The following RFX3 variants were observed in gnomAD, a reference collection of about 807,000 sequenced individuals.
RFX3 encodes transcription factor RFX3.
A neutral mutation model predicts 98.6 loss-of-function variants in RFX3; 14 were observed. That is an observed-to-expected ratio of 0.14 (90% CI 0.09 to 0.22). The LOEUF is 0.22. Ranked by LOEUF, RFX3 falls within the 10% of genes least tolerant of loss-of-function variation. The probability of loss-of-function intolerance (pLI) is 1.00; values close to 1 mark genes in which losing one functional copy is unlikely to be tolerated. For missense variants in RFX3, 639 were observed against 926.9 expected (o/e 0.69, Z 4.03); for synonymous variants, 383 against 328.4 (o/e 1.17, Z -1.80).
chr9:3,261,070 T>C (rs910311575), intron 13 of RFX3, among the ~76,000 whole-genome samples: 2 of 151,902 alleles, frequency 1.3e-5, no homozygotes, highest in African/African-American at 4.8e-5. Flanking sequence ...TTAAAATTTC[T>C]AGAAAATAAA....
rs752147952 is a variant in RFX3 at position 3,293,064 on chromosome 9, T to C, written c.731+13A>G. ...AGAGAGATTAGTTTATGATCTTATT[T>C]TTCAATACTAACCTAGTGCCCAATC... On this transcript the variant is annotated intron_variant, in intron 6 of 16. Transcript: ENST00000617270. 6.3e-7 allele frequency: 1 copy of C among 1,592,512 alleles called. No homozygotes were observed. Among genetic ancestry groups the C allele is most frequent in the Admixed American group, 1.8e-5 (1 of 56,602 alleles).
chr9:3,269,682 T>A (rs539845661), intron 11 of RFX3, among the ~76,000 whole-genome samples: 1 of 152,312 alleles, frequency 6.6e-6, no homozygotes, highest in East Asian at 1.9e-4. Flanking sequence ...AACCTATCTA[T>A]GTAATTCCCA....
chr9:3,461,681 A>G (rs1336612085), intron 1 of RFX3, among the ~76,000 whole-genome samples: 13 of 151,980 alleles, frequency 8.6e-5, no homozygotes, highest in Non-Finnish European at 1.5e-5. Flanking sequence ...AGACTTCACA[A>G]AATGTTTACA....
intron 2 of RFX3, among the ~76,000 whole-genome samples, chr9:3,359,217 C>G (rs1423810869): frequency 6.6e-6 from 1 of 151,812 alleles, no homozygotes; most frequent in African/African-American, 2.4e-5. Context: ...AAAGGGCAGA[C>G]AATGAAAAGA....
chr9:3,301,807 C>T (rs1193766899), intron 4 of RFX3, among the ~76,000 whole-genome samples, 187 bp from the exon 5 acceptor site: 1 of 151,818 alleles, frequency 6.6e-6, no homozygotes, highest in African/African-American at 2.4e-5. Context: ...AATATGCACA[C>T]TAATAATAAG....
At chr9:3,319,173 T>A (rs1830975552) in intron 4 of RFX3, among the ~76,000 whole-genome samples, 1 of 152,232 alleles carries the variant, frequency 6.6e-6, no homozygotes. Flanking sequence ...TAAAACAGGC[T>A]TTTAAAGTGT....
At chr9:3,245,822 T>C (rs914239305) in intron 15 of RFX3, among the ~76,000 whole-genome samples, 6 of 152,176 alleles carry the variant, frequency 3.9e-5, no homozygotes, top group Admixed American at 3.3e-4. Context: ...TGGATTTCAA[T>C]GGATTTTGGC....
At chr9:3,525,319 G>A (rs151055458) in intron 1 of RFX3, among the ~76,000 whole-genome samples, 35 of 152,344 alleles carry the variant, frequency 2.3e-4, no homozygotes, top group African/African-American at 7.9e-4. Context: ...GGAAACAGCA[G>A]CGTTGGAAAA....
chr9:3,252,866 T>C (rs1399603926), intron 14 of RFX3, among the ~76,000 whole-genome samples: 1 of 152,234 alleles, frequency 6.6e-6, no homozygotes, highest in African/African-American at 2.4e-5. Flanking sequence ...ATGTATGTCA[T>C]GAAATTATTG....
At chr9:3,497,971 G>A (rs1587861898) in intron 1 of RFX3, among the ~76,000 whole-genome samples, 1 of 152,030 alleles carries the variant, frequency 6.6e-6, no homozygotes, top group Middle Eastern at 3.4e-3. Context: ...TCCAAATGCT[G>A]ACACAAAAGA....
At chr9:3,460,044 T>C (rs1490627318) in intron 1 of RFX3, among the ~76,000 whole-genome samples, 1 of 152,000 alleles carries the variant, frequency 6.6e-6, no homozygotes, top group Admixed American at 6.6e-5. Context: ...ATAACAAATG[T>C]TCAACTTCAA....
intron 1 of RFX3, among the ~76,000 whole-genome samples, chr9:3,399,634 A>G (rs1302065242): frequency 2.6e-5 from 4 of 152,086 alleles, no homozygotes; most frequent in Non-Finnish European, 4.4e-5. Flanking sequence ...CTATTTCTAC[A>G]TATAAAGATT....
chr9:3,524,461 G>A, intron 1 of RFX3: 1 of 942,500 alleles, frequency 1.1e-6, no homozygotes, highest in Non-Finnish European at 1.3e-6. Flanking sequence ...TAACCAGAAA[G>A]AAAGTGAAAT....
At chr9:3,443,706 C>G (rs181248397) in intron 1 of RFX3, among the ~76,000 whole-genome samples, 1 of 152,182 alleles carries the variant, frequency 6.6e-6, no homozygotes, top group East Asian at 1.9e-4. Flanking sequence ...TTTATATTCC[C>G]TTGGCTATAT....
At chr9:3,369,995 A>ATTTTTTTTTTT (rs71324244) in intron 2 of RFX3, among the ~76,000 whole-genome samples, 1 of 132,642 alleles carries the variant, frequency 7.5e-6, no homozygotes, top group African/African-American at 2.9e-5. Flanking sequence ...CGCCCGGCTA[A>ATTTTTTTTTTT]TTTTTTTTTT....
intron 13 of RFX3, among the ~76,000 whole-genome samples, chr9:3,258,885 T>C (rs1016252231): frequency 2.0e-5 from 3 of 151,540 alleles, no homozygotes; most frequent in African/African-American, 4.8e-5. Context: ...TATCTACACA[T>C]ACATTTTATA....
rs188935454 is a variant in RFX3, at chr9:3,309,798, T to C, written c.475-8178A>G. 1.6e-3 allele frequency among the ~76,000 whole-genome samples: 250 copies of C among 152,356 alleles called. 3 individuals are homozygous for C. Among genetic ancestry groups the C allele is most frequent in the African/African-American group, 5.8e-3 (242 of 41,602 alleles). On this transcript the variant is annotated intron_variant, in intron 4 of 16. Transcript: ENST00000617270. The stretch of plus-strand genomic sequence containing the variant: ...GCATTTTCCCTATTTTAAGTCCCCA[T>C]TGCCTTCTAAAGGAGAGTCCTTCTC...
At chr9:3,270,253 C>CT in intron 11 of RFX3, 118 bp downstream of exon 11, 1 of 1,081,986 alleles carries the variant, frequency 9.2e-7, no homozygotes, top group African/African-American at 1.6e-5. Flanking sequence ...TGCATGTTTT[C>CT]TATCTGGCAA....
intron 5 of RFX3, among the ~76,000 whole-genome samples, chr9:3,294,586 A>G (rs925701734): frequency 1.3e-5 from 2 of 152,198 alleles, no homozygotes; most frequent in Non-Finnish European, 2.9e-5. Context: ...AATCAAACTT[A>G]GAACCTGAAT....
Sources: allele counts gnomAD v4.1 joint callset (sites outside exome capture counted in the v4.1 genomes callset), GRCh38; gene constraint gnomAD v4.1.1; transcripts MANE v1.5; gene names NCBI Gene and HGNC (gene_info 2026-07-23, HGNC 2026-07-21).